Variants in CCDC178 observed in about 807,000 individuals in gnomAD.
The protein encoded by CCDC178 is coiled-coil domain-containing protein 178.
Under a neutral mutation model 117.4 loss-of-function variants are expected in CCDC178, and 126 were observed. The observed-to-expected ratio is 1.07, with a 90% CI of 0.93 to 1.24. CCDC178 has a LOEUF of 1.24. Among genes scored for constraint, CCDC178 ranks in the 50% most tolerant of loss-of-function variants. CCDC178 has a pLI of 0.00. For missense variants in CCDC178, 1,030 were observed against 986.9 expected (o/e 1.04, Z -0.59); for synonymous variants, 283 against 313.4 (o/e 0.90, Z 1.02).
At chr18:33,119,246 C>G (rs537052926) in intron 20 of CCDC178, among the ~76,000 whole-genome samples, 2 of 152,240 alleles carry the variant, frequency 1.3e-5, no homozygotes, top group Non-Finnish European at 2.9e-5. Flanking sequence ...TCAGAGTGAA[C>G]AGGCAACCCA....
At chr18:33,436,691 T>C (rs1293327406) in intron 2 of CCDC178, among the ~76,000 whole-genome samples, 1 of 152,260 alleles carries the variant, frequency 6.6e-6, no homozygotes, top group Non-Finnish European at 1.5e-5. Flanking sequence ...CACTGTTTAG[T>C]AATAATAATT....
intron 15 of CCDC178, among the ~76,000 whole-genome samples, chr18:33,230,464 G>A (rs966512675): frequency 6.6e-6 from 1 of 151,986 alleles, no homozygotes; most frequent in Admixed American, 6.6e-5. Flanking sequence ...TATCTCCTTG[G>A]CTGCTAGCAC....
chr18:32,971,797 G>A (rs576437634), intron 22 of CCDC178, among the ~76,000 whole-genome samples: 4 of 151,932 alleles, frequency 2.6e-5, no homozygotes, highest in Admixed American at 6.6e-5. Flanking sequence ...TTTTTAATAC[G>A]TTTGTTAACC....
intron 4 of CCDC178, among the ~76,000 whole-genome samples, chr18:33,394,943 G>GTATGTA (rs1555697671): frequency 0.046 from 2,811 of 61,474 alleles, 138 homozygotes; most frequent in Non-Finnish European, 0.066. Context: ...ATATGTATGT[G>GTATGTA]TATATATATA....
chr18:33,389,089 T>C (rs944500586), intron 5 of CCDC178, among the ~76,000 whole-genome samples: 4 of 152,130 alleles, frequency 2.6e-5, no homozygotes, highest in African/African-American at 9.7e-5. Context: ...CACCATGGCA[T>C]GTGTTTACCT....
intron 21 of CCDC178, among the ~76,000 whole-genome samples, chr18:33,003,748 T>C (rs1301003323): frequency 1.3e-5 from 2 of 152,094 alleles, no homozygotes; most frequent in Non-Finnish European, 2.9e-5. Flanking sequence ...TTGTTCTCAT[T>C]TGCAGATAAT....
chr18:33,158,548 A>G (rs1378518297), intron 20 of CCDC178, among the ~76,000 whole-genome samples: 1 of 152,108 alleles, frequency 6.6e-6, no homozygotes, highest in Non-Finnish European at 1.5e-5. Flanking sequence ...ATTTTAGACC[A>G]ATTTATATTT....
At chr18:33,179,093 A>ATATATATATATATATAAAC (rs1568036976) in intron 20 of CCDC178, among the ~76,000 whole-genome samples, 1 of 111,542 alleles carries the variant, frequency 9.0e-6, no homozygotes, top group African/African-American at 4.4e-5. Context: ...ATATATATAT[A>ATATATATATATATATAAAC]TATATATATA....
intron 20 of CCDC178, among the ~76,000 whole-genome samples, chr18:33,096,479 T>C (rs1282475961): frequency 1.3e-5 from 2 of 151,528 alleles, no homozygotes; most frequent in Non-Finnish European, 2.9e-5. Context: ...TGAACTTGCC[T>C]GTTAAGTTAT....
Position 33,242,167 on chromosome 18 carries a change from G to T in CCDC178, c.1593+3078C>A, listed in dbSNP as rs117646654. 3.8e-4 allele frequency among the ~76,000 whole-genome samples: 58 copies of T among 151,826 alleles called. 1 individual carries two copies. The East Asian group carries it at 0.011, about 29-fold the overall frequency. ...GGCACCAAGAACCTACATTGGGAAA[G>T]GACAGTTTATTCAATAAATGGTGCT... On this transcript the variant is annotated intron_variant, in intron 15 of 22. Coordinates refer to ENST00000383096, the MANE Select transcript of CCDC178 (RefSeq NM_001105528.4).
chr18:33,389,580 G>C lies in CCDC178; in HGVS notation c.168C>G (p.Asn56Lys). 1 of 1,526,866 alleles carries C rather than the reference G, an allele frequency of 6.5e-7. No individual in the cohort carries two copies. The highest frequency in any genetic ancestry group is 8.8e-7 in the Non-Finnish European group (1 of 1,138,732). 94.6% of individuals were successfully genotyped at this position (1,526,866 alleles called of 1,614,324 possible). Residue 56 changes from asparagine (N) to lysine (K), a missense_variant, in exon 5 of 23, where the codon AAC becomes AAG. Asn to Lys is a moderately conservative substitution (Grantham distance 94). Coordinates refer to ENST00000383096, the MANE Select transcript of CCDC178 (RefSeq NM_001105528.4). ...TTTTACTTTCATGAAAACCTTCACT[G>C]TTCTCCTTAGAGGCTCCATATAGAA... is the stretch of plus-strand genomic sequence containing the variant. ...SLVLYGASKE[N>K]SEGFHESKMT...
intron 4 of CCDC178, among the ~76,000 whole-genome samples, chr18:33,394,537 A>G (rs1346864580): frequency 6.6e-6 from 1 of 151,992 alleles, no homozygotes; most frequent in Non-Finnish European, 1.5e-5. Flanking sequence ...CTCAAATAAC[A>G]TATTACTTAA....
intron 21 of CCDC178, among the ~76,000 whole-genome samples, chr18:33,024,627 CTTAT>C (rs2056186965): frequency 6.6e-6 from 1 of 151,762 alleles, no homozygotes; most frequent in Non-Finnish European, 1.5e-5. Context: ...AATAGGAACA[CTTAT>C]TTATTATTAT....
At chr18:33,028,958 C>A (rs2056282002) in intron 21 of CCDC178, among the ~76,000 whole-genome samples, 1 of 151,782 alleles carries the variant, frequency 6.6e-6, no homozygotes, top group Non-Finnish European at 1.5e-5. Context: ...TCTATATTCA[C>A]AAGTTATTGG....
At chr18:33,375,437 C>T (rs779317608) in intron 5 of CCDC178, among the ~76,000 whole-genome samples, 8 of 152,074 alleles carry the variant, frequency 5.3e-5, no homozygotes, top group African/African-American at 1.9e-4. Context: ...TACAAATTTC[C>T]CAAATCTGTC....
intron 21 of CCDC178, among the ~76,000 whole-genome samples, chr18:33,071,838 C>T (rs1397426615): frequency 6.6e-6 from 1 of 152,048 alleles, no homozygotes; most frequent in African/African-American, 2.4e-5. Context: ...AGATAATTTG[C>T]AGTAAGTAAT....
chr18:33,071,143 G>A (rs747177491), intron 21 of CCDC178, among the ~76,000 whole-genome samples: 8 of 152,060 alleles, frequency 5.3e-5, no homozygotes, highest in Non-Finnish European at 8.8e-5. Flanking sequence ...GGAGTTAAAT[G>A]AATTCTTTAC....
At chr18:33,250,142 A>G (rs953557345) in intron 14 of CCDC178, among the ~76,000 whole-genome samples, 4 of 151,842 alleles carry the variant, frequency 2.6e-5, no homozygotes, top group African/African-American at 9.7e-5. Flanking sequence ...TGATATAAAA[A>G]CAAAAATGAA....
chr18:33,429,189 T>C (rs1188893315), intron 2 of CCDC178, among the ~76,000 whole-genome samples: 1 of 152,110 alleles, frequency 6.6e-6, no homozygotes, highest in African/African-American at 2.4e-5. Flanking sequence ...TAACAAAGAC[T>C]TTCTGGATTA....
Sources: gnomAD v4.1 joint callset for allele counts (sites outside exome capture counted in the v4.1 genomes callset) on GRCh38, gnomAD v4.1.1 for gene constraint, MANE v1.5 for transcripts, NCBI Gene and HGNC (gene_info 2026-07-23, HGNC 2026-07-21) for gene names.